Variants in LRRTM4 observed in about 807,000 individuals in gnomAD.
The protein encoded by LRRTM4 is leucine-rich repeat transmembrane neuronal protein 4.
LRRTM4 carries 25 observed loss-of-function variants against 47.6 expected under a neutral mutation model. The ratio of observed to expected loss-of-function variants is 0.53; its 90% CI spans 0.38 to 0.73. The LOEUF is 0.73. LRRTM4 is among the 30% of genes least tolerant of loss of function. The pLI, the probability that LRRTM4 is intolerant of heterozygous loss-of-function variation, is 0.00. For missense variants in LRRTM4, 638 were observed against 713.4 expected, an observed-to-expected ratio of 0.89 and a Z score of 1.20; for synonymous variants, 311 against 269.5, an observed-to-expected ratio of 1.15 and a Z score of -1.51.
chr2:77,058,012 ATTT>A (rs1573511576), intron 3 of LRRTM4, among the ~76,000 whole-genome samples: 1 of 151,970 alleles, frequency 6.6e-6, no homozygotes, highest in East Asian at 1.9e-4. Context: ...CCTCCAATAA[ATTT>A]TTGTCAATAT....
intron 3 of LRRTM4, among the ~76,000 whole-genome samples, chr2:77,175,471 G>T (rs1673169398): frequency 6.6e-6 from 1 of 152,080 alleles, no homozygotes; most frequent in Non-Finnish European, 1.5e-5. Context: ...GTCTAGACTT[G>T]CTGGCTCCTT....
At chr2:76,935,581 G>C (rs148115901) in intron 3 of LRRTM4, among the ~76,000 whole-genome samples, 1,669 of 152,240 alleles carry the variant, frequency 0.011, 10 homozygotes, top group Non-Finnish European at 0.019. Context: ...CTTGTAAGTT[G>C]TATTCCTAGG....
intron 3 of LRRTM4, among the ~76,000 whole-genome samples, chr2:77,383,847 C>T (rs942047714): frequency 1.3e-5 from 2 of 152,016 alleles, no homozygotes; most frequent in African/African-American, 2.4e-5. Flanking sequence ...CCTCAAAGAC[C>T]TCAAATCTAC....
intron 3 of LRRTM4, among the ~76,000 whole-genome samples, chr2:77,186,422 C>T (rs888054368): frequency 6.6e-6 from 1 of 152,138 alleles, no homozygotes; most frequent in Non-Finnish European, 1.5e-5. Context: ...GGATTTTATG[C>T]TCCTGGGTAG....
intron 3 of LRRTM4, among the ~76,000 whole-genome samples, chr2:77,194,049 A>G (rs144369483): frequency 6.6e-6 from 1 of 152,292 alleles, no homozygotes; most frequent in East Asian, 1.9e-4. Flanking sequence ...AGTTATAGTC[A>G]TCTTTTGCTT....
intron 3 of LRRTM4, among the ~76,000 whole-genome samples, chr2:77,089,027 T>C (rs1680829464): frequency 6.6e-6 from 1 of 152,092 alleles, no homozygotes; most frequent in African/African-American, 2.4e-5. Context: ...CAGCCTTCCC[T>C]TGGTGTTTAA....
intron 3 of LRRTM4, among the ~76,000 whole-genome samples, chr2:76,830,675 T>C (rs1671324235): frequency 6.6e-6 from 1 of 151,994 alleles, no homozygotes; most frequent in South Asian, 2.1e-4. Flanking sequence ...AATTTTAAAT[T>C]ACCATTAATT....
chr2:77,110,096 C>T (rs895592199), intron 3 of LRRTM4, among the ~76,000 whole-genome samples: 1 of 152,026 alleles, frequency 6.6e-6, no homozygotes, highest in Non-Finnish European at 1.5e-5. Flanking sequence ...AGGCATGAAT[C>T]CTTAGACACA....
intron 3 of LRRTM4, among the ~76,000 whole-genome samples, chr2:76,909,463 G>C (rs1218004666): frequency 6.6e-6 from 1 of 151,874 alleles, no homozygotes; most frequent in Admixed American, 6.6e-5. Flanking sequence ...AACACCAAAA[G>C]CAATGGCAAC....
At chr2:77,357,220 CAA>C (rs1347355374) in intron 3 of LRRTM4, among the ~76,000 whole-genome samples, 1 of 151,902 alleles carries the variant, frequency 6.6e-6, no homozygotes, top group Non-Finnish European at 1.5e-5. Flanking sequence ...AGGATAATTT[CAA>C]AAGTCTTTGA....
chr2:76,807,438 G>GTATATACATATATATATATATACATATA (rs1670539002), intron 3 of LRRTM4, among the ~76,000 whole-genome samples: 1 of 65,192 alleles, frequency 1.5e-5, no homozygotes, highest in Non-Finnish European at 2.9e-5. Context: ...ATATATATAC[G>GTATATACATATATATATATATACATATA]TATATACATA....
chr2:77,367,623 T>C (rs1672510812), intron 3 of LRRTM4, among the ~76,000 whole-genome samples: 1 of 151,890 alleles, frequency 6.6e-6, no homozygotes, highest in Non-Finnish European at 1.5e-5. Flanking sequence ...TTTCTGAGCA[T>C]TCCAAGGATA....
At chr2:77,385,159 C>G (rs541991740) in intron 3 of LRRTM4, among the ~76,000 whole-genome samples, 1 of 152,224 alleles carries the variant, frequency 6.6e-6, no homozygotes, top group East Asian at 1.9e-4. Context: ...TAGGCTAAAA[C>G]TTGCCCCTGA....
chr2:76,820,675 A>G (rs1671028116), intron 3 of LRRTM4, among the ~76,000 whole-genome samples: 1 of 151,776 alleles, frequency 6.6e-6, no homozygotes, highest in Admixed American at 6.6e-5. Context: ...CACATCATCA[A>G]TGATCATAAA....
chr2:76,891,250 G>A (rs1209048378), intron 3 of LRRTM4, among the ~76,000 whole-genome samples: 2 of 151,812 alleles, frequency 1.3e-5, no homozygotes, highest in African/African-American at 4.8e-5. Flanking sequence ...TATAATAAGA[G>A]GAGAGGTTCT....
At chr2:77,047,723 A>C (rs1206133746) in intron 3 of LRRTM4, among the ~76,000 whole-genome samples, 3 of 152,070 alleles carry the variant, frequency 2.0e-5, no homozygotes, top group Non-Finnish European at 4.4e-5. Flanking sequence ...TCCATTTCCA[A>C]ATCAATTCAC....
intron 3 of LRRTM4, among the ~76,000 whole-genome samples, chr2:77,361,688 T>C (rs1199423596): frequency 6.6e-6 from 1 of 152,144 alleles, no homozygotes; most frequent in African/African-American, 2.4e-5. Flanking sequence ...AATGGCAAAA[T>C]ATAGGCTTGG....
chr2:76,842,927 G>A (rs577643622), intron 3 of LRRTM4, among the ~76,000 whole-genome samples: 273 of 152,256 alleles, frequency 1.8e-3, no homozygotes, highest in Middle Eastern at 3.4e-3. Flanking sequence ...TCTACTTTTT[G>A]TAAATATATA....
intron 3 of LRRTM4, among the ~76,000 whole-genome samples, chr2:77,244,638 A>G (rs1675379405): frequency 6.6e-6 from 1 of 151,938 alleles, no homozygotes; most frequent in South Asian, 2.1e-4. Flanking sequence ...CCATGAGTGT[A>G]GGCTAGACTT....
Sources: gnomAD v4.1 joint callset for allele counts (sites outside exome capture counted in the v4.1 genomes callset) on GRCh38, gnomAD v4.1.1 for gene constraint, MANE v1.5 for transcripts, NCBI Gene and HGNC (gene_info 2026-07-23, HGNC 2026-07-21) for gene names.